NOP10: variants seen among roughly 807,000 people sequenced by gnomAD.
The protein encoded by NOP10 is H/ACA ribonucleoprotein complex subunit 3.
In NOP10, 6 loss-of-function variants were observed where a neutral mutation model predicts 9.5. That is an observed-to-expected ratio of 0.63 (90% confidence interval 0.35 to 1.25). The LOEUF (loss-of-function observed/expected upper bound fraction) is 1.25, where lower values mean the gene tolerates loss of function less well. NOP10 is among the 50% of genes most tolerant of loss of function. The probability of loss-of-function intolerance (pLI) is 0.03; values close to 1 mark genes in which losing one functional copy is unlikely to be tolerated. For synonymous variants in NOP10, 28 were observed against 30.7 expected (o/e 0.91, Z 0.29); for missense variants, 75 against 81.3 (o/e 0.92, Z 0.30).
At position 34,343,084 on chromosome 15, in the gene NOP10, A is replaced by G. The variant is rs1890512797; in HGVS notation, c.-11T>C. 6.2e-7 allele frequency: 1 copy of G among 1,614,010 alleles called. No individual in the cohort carries two copies. ...ATACTGGAGAAACATGATCGCTTAT[A>G]AGCCAGCGGTCCCAATTCGGTCCAC... On this transcript the variant is annotated 5_prime_UTR_variant, in exon 1 of 2. Coordinates refer to ENST00000328848, the MANE Select transcript of NOP10 (RefSeq NM_018648.4).
rs1421801857 is a variant in NOP10 at position 34,341,910 on chromosome 15, GGTTACGGA to G, written c.*50_*57del. 2 of 1,574,664 alleles carry G rather than the reference GGTTACGGA, an allele frequency of 1.3e-6. No individual in the cohort carries two copies. The highest frequency in any genetic ancestry group is 1.7e-6 in the Non-Finnish European group (2 of 1,147,248). On this transcript the variant is annotated 3_prime_UTR_variant, in exon 2 of 2. Coordinates refer to ENST00000328848, the MANE Select transcript of NOP10 (RefSeq NM_018648.4). ...TCAGGGCTCACAGTCCGAAGAGTTT[GGTTACGGA>G]GTCTCCGAGGGGTAACAGGTGGCAG...
At chr15:34,342,160 G>A (rs754765778) in intron 1 of NOP10, 52 bp from the exon 2 acceptor site, 3 of 1,568,182 alleles carry the variant, frequency 1.9e-6, no homozygotes, top group Non-Finnish European at 2.6e-6. Context: ...GAAATGGGGT[G>A]GGGCCAGCGC....
In NOP10 at chr15:34,343,087, C is replaced by T. The variant is rs373689981; in HGVS notation, c.-14G>A. The T allele has an allele frequency of 3.1e-6, 5 of 1,614,114 alleles. No homozygotes were observed. The South Asian group carries it at 3.3e-5, about 11-fold the overall frequency. ...CTGGAGAAACATGATCGCTTATAAG[C>T]CAGCGGTCCCAATTCGGTCCACCGC... On this transcript the variant is annotated 5_prime_UTR_variant, in exon 1 of 2. Coordinates refer to ENST00000328848, the MANE Select transcript of NOP10 (RefSeq NM_018648.4).
chr15:34,342,943 C>T lies in NOP10; in HGVS notation c.54+77G>A. The T allele has an allele frequency of 7.4e-6, 10 of 1,358,016 alleles. 1 individual carries two copies. In the South Asian group the frequency reaches 1.2e-4, roughly 16 times the overall value. The allele number at this position is 1,358,016 out of a possible 1,614,324, so 84.1% of individuals were successfully genotyped here. On this transcript the variant is annotated intron_variant, in intron 1 of 1. Transcript: ENST00000328848. ...TGGTTCCCCGCACCCAGCTAGGTAA[C>T]TCCACGTATGACCTCACCCACTCCT...
chr15:34,342,612 T>TC (rs1172477707), intron 1 of NOP10, among the ~76,000 whole-genome samples: 1 of 143,080 alleles, frequency 7.0e-6, no homozygotes, highest in Non-Finnish European at 1.5e-5. Flanking sequence ...AATGGCGCTA[T>TC]CCCGGCTCAC....
Position 34,341,860 on chromosome 15 carries a change from A to T in NOP10, c.*108T>A. On this transcript the variant is annotated 3_prime_UTR_variant, in exon 2 of 2. Coordinates refer to ENST00000328848, the MANE Select transcript of NOP10 (RefSeq NM_018648.4). The stretch of plus-strand genomic sequence containing the variant: ...CAATCGCCACGAGAGACTGGATGCC[A>T]AAGAGTATGGCTGGCAAAAAGGCAT... The T allele has an allele frequency of 8.7e-7, 1 of 1,147,762 alleles. No individual in the cohort carries two copies. Among genetic ancestry groups the T allele is most frequent in the Non-Finnish European group, 1.3e-6 (1 of 776,996 alleles). 71.1% of individuals were successfully genotyped at this position (1,147,762 alleles called of 1,614,324 possible). A position where few individuals can be genotyped will look rare whatever the true frequency, so the allele number is the denominator to read the frequency against.
chr15:34,342,360 CAACA>C (rs931394998), intron 1 of NOP10, among the ~76,000 whole-genome samples: 11 of 151,786 alleles, frequency 7.2e-5, no homozygotes, highest in Admixed American at 2.0e-4. Context: ...CTCGTCTCTA[CAACA>C]AACAAACAAA....
In NOP10 at chr15:34,341,789, T is replaced by C; in HGVS notation, c.*179A>G. On this transcript the variant is annotated 3_prime_UTR_variant, in exon 2 of 2. Coordinates refer to ENST00000328848, the MANE Select transcript of NOP10 (RefSeq NM_018648.4). ...TATGAGAAAAAAAAGTCAAATGTGT[T>C]CCCTTTATGGGTGATGCCACCATGA... The C allele has an allele frequency of 1.5e-6, 1 of 667,296 alleles. No individual in the cohort carries two copies. The highest frequency in any genetic ancestry group is 2.7e-6 in the Non-Finnish European group (1 of 367,916). The allele number at this position is 667,296 out of a possible 1,614,324, so 41.3% of individuals were successfully genotyped here. A position where few individuals can be genotyped will look rare whatever the true frequency, so the allele number is the denominator to read the frequency against.
intron 1 of NOP10, 138 bp downstream of exon 1, chr15:34,342,882 G>T: frequency 1.2e-6 from 1 of 823,956 alleles, no homozygotes; most frequent in Non-Finnish European, 2.1e-6. Flanking sequence ...TGAGTCGCGC[G>T]GTCCCGGTTC....
At position 34,343,053 on chromosome 15, in the gene NOP10, G is replaced by C. The variant is rs777783319; in HGVS notation, c.21C>G (p.Leu7=). 6.2e-6 allele frequency: 10 copies of C among 1,614,038 alleles called. No individual in the cohort carries two copies. The South Asian group carries it at 9.9e-5, about 16-fold the overall frequency. Residue 7 remains leucine (L), a synonymous_variant, in exon 1 of 2, where the codon CTC becomes CTG. Coordinates refer to ENST00000328848, the MANE Select transcript of NOP10 (RefSeq NM_018648.4). MFLQYY[L]NEQGDRVYTL... is the part of the protein sequence containing the mutation. Reference sequence around the variant, plus strand: ...TATAGACTCGATCTCCCTGCTCGTTGAGGTAATACTGGAGAAACATGATCG... The same window carrying C: ...TATAGACTCGATCTCCCTGCTCGTTCAGGTAATACTGGAGAAACATGATCG...
chr15:34,343,112 C>G lies in NOP10; in HGVS notation c.-39G>C, dbSNP rs1255062516. 6.2e-7 allele frequency: 1 copy of G among 1,607,584 alleles called. No individual in the cohort carries two copies. Among genetic ancestry groups the G allele is most frequent in the Non-Finnish European group, 8.5e-7 (1 of 1,174,024 alleles). On this transcript the variant is annotated 5_prime_UTR_variant, in exon 1 of 2. Transcript: ENST00000328848. The stretch of plus-strand genomic sequence containing the variant: ...CCAGCGGTCCCAATTCGGTCCACCG[C>G]TCAGTCTGCAGTGGTCCGCCCGACC...
chr15:34,342,407 A>T (rs1890495293), intron 1 of NOP10, among the ~76,000 whole-genome samples: 1 of 151,708 alleles, frequency 6.6e-6, no homozygotes, highest in Middle Eastern at 3.4e-3. Context: ...AAACCCCAAA[A>T]CCAAAAATTA....
At chr15:34,342,381 C>G (rs1303840797) in intron 1 of NOP10, among the ~76,000 whole-genome samples, 9 of 151,592 alleles carry the variant, frequency 5.9e-5, no homozygotes, top group Admixed American at 1.3e-4. Flanking sequence ...CAAACAAAAC[C>G]AACCAACCAA....
At position 34,341,828 on chromosome 15, in the gene NOP10, G is replaced by A; in HGVS notation, c.*140C>T. ...ATGCCACCATGATTGCCTCACACAAGCATAATCAATCGCCACGAGAGACTG... is the reference window on the plus strand; with the variant it reads ...ATGCCACCATGATTGCCTCACACAAACATAATCAATCGCCACGAGAGACTG... On this transcript the variant is annotated 3_prime_UTR_variant, in exon 2 of 2. Coordinates refer to ENST00000328848, the MANE Select transcript of NOP10 (RefSeq NM_018648.4). 7 of 856,624 alleles carry A rather than the reference G, an allele frequency of 8.2e-6. No homozygotes were observed. Among genetic ancestry groups the A allele is most frequent in the Admixed American group, 4.0e-5 (2 of 50,160 alleles). The allele number at this position is 856,624 out of a possible 1,614,324, so 53.1% of individuals were successfully genotyped here.
rs1857878895 is a variant in NOP10 at position 34,343,037 on chromosome 15, G to C, written c.37C>G (p.Arg13Gly). ...LQYYLNEQGD[R>G]VYTLKKFDPM... ...CTCCTCACCTTCAGCGTATAGACTCGATCTCCCTGCTCGTTGAGGTAATAC... is the reference window on the plus strand; with the variant it reads ...CTCCTCACCTTCAGCGTATAGACTCCATCTCCCTGCTCGTTGAGGTAATAC... The change falls in exon 1 of 2, where the codon CGA becomes GGA. Residue 13 changes from arginine to glycine, a missense_variant. Arg to Gly is a moderately radical substitution (Grantham distance 125). Coordinates refer to ENST00000328848, the MANE Select transcript of NOP10 (RefSeq NM_018648.4). 1 of 1,613,942 alleles carries C rather than the reference G, an allele frequency of 6.2e-7. No individual in the cohort carries two copies. The highest frequency in any genetic ancestry group is 8.5e-7 in the Non-Finnish European group (1 of 1,179,942).
At chr15:34,342,250 TAAA>T in intron 1 of NOP10, 142 bp from the exon 2 acceptor site, 1 of 844,630 alleles carries the variant, frequency 1.2e-6, no homozygotes, top group Non-Finnish European at 2.0e-6. Context: ...ATATAAAATT[TAAA>T]AAGGCCGAGC....
chr15:34,342,608 G>C (rs1008928851), intron 1 of NOP10, among the ~76,000 whole-genome samples: 25 of 148,434 alleles, frequency 1.7e-4, no homozygotes, highest in African/African-American at 6.0e-4. Flanking sequence ...GTGCAATGGC[G>C]CTATCCCGGC....
chr15:34,343,110 C>T lies in NOP10; in HGVS notation c.-37G>A. ...AGCCAGCGGTCCCAATTCGGTCCACCGCTCAGTCTGCAGTGGTCCGCCCGA... is the reference window on the plus strand; with the variant it reads ...AGCCAGCGGTCCCAATTCGGTCCACTGCTCAGTCTGCAGTGGTCCGCCCGA... On this transcript the variant is annotated 5_prime_UTR_variant, in exon 1 of 2. Transcript: ENST00000328848. The T allele has an allele frequency of 6.2e-7, 1 of 1,606,210 alleles. No homozygotes were observed. Among genetic ancestry groups the T allele is most frequent in the Non-Finnish European group, 8.5e-7 (1 of 1,172,720 alleles).
At chr15:34,342,180 C>G (rs1890489881) in intron 1 of NOP10, 72 bp from the exon 2 acceptor site, 1 of 1,334,942 alleles carries the variant, frequency 7.5e-7, no homozygotes, top group East Asian at 2.3e-5. Context: ...CGAAAAAGGG[C>G]AAACATGAAA....
Sources: gnomAD v4.1 joint callset for allele counts (sites outside exome capture counted in the v4.1 genomes callset) on GRCh38, gnomAD v4.1.1 for gene constraint, MANE v1.5 for transcripts, NCBI Gene and HGNC (gene_info 2026-07-23, HGNC 2026-07-21) for gene names.